The following ULK2 variants were observed in gnomAD, a reference collection of about 807,000 sequenced individuals.
ULK2 encodes the protein unc-51 like autophagy activating kinase 2.
A neutral mutation model predicts 127.5 loss-of-function variants in ULK2; 76 were observed. The observed-to-expected ratio is 0.60, with a 90% CI of 0.50 to 0.72. The LOEUF is 0.72. ULK2 is among the 30% of genes least tolerant of loss of function. The probability of loss-of-function intolerance (pLI) is 0.00; values close to 1 mark genes in which losing one functional copy is unlikely to be tolerated. For synonymous variants in ULK2, 452 were observed against 461.9 expected (o/e 0.98, Z 0.28); for missense variants, 1,144 against 1,295.9 (o/e 0.88, Z 1.80).
At chr17:19,809,021 A>G (rs893204734) in intron 14 of ULK2, among the ~76,000 whole-genome samples, 32 of 152,256 alleles carry the variant, frequency 2.1e-4, no homozygotes, top group African/African-American at 7.5e-4. Context: ...AAGCAACCCC[A>G]AATGTTCACC....
At chr17:19,797,343 T>C in intron 18 of ULK2, 53 bp downstream of exon 18, 1 of 1,496,266 alleles carries the variant, frequency 6.7e-7, no homozygotes, top group Non-Finnish European at 8.9e-7. Context: ...ATGAATCCTT[T>C]CCATAAAGTA....
chr17:19,848,434 GT>G (rs2041941847), intron 5 of ULK2: 1 of 152,162 alleles, frequency 6.6e-6, no homozygotes, highest in South Asian at 2.1e-4. Flanking sequence ...GACCTGTCAA[GT>G]TTTACATGTC....
intron 10 of ULK2, 127 bp from the exon 11 acceptor site, chr17:19,826,313 C>T (rs1217159782): frequency 6.8e-6 from 3 of 438,254 alleles, no homozygotes; most frequent in African/African-American, 4.1e-5. Flanking sequence ...ATATAGGCTC[C>T]ATTTCCTTTA....
chr17:19,829,609 G>C (rs2041386630), intron 10 of ULK2, among the ~76,000 whole-genome samples: 1 of 149,100 alleles, frequency 6.7e-6, no homozygotes, highest in South Asian at 2.1e-4. Flanking sequence ...AGGCTGAGGA[G>C]GGTGGATCAC....
intron 3 of ULK2, among the ~76,000 whole-genome samples, chr17:19,862,421 G>C (rs1279734979): frequency 6.6e-6 from 1 of 151,836 alleles, no homozygotes; most frequent in Non-Finnish European, 1.5e-5. Flanking sequence ...CTTATAACAT[G>C]AGTTTAGTTA....
At chr17:19,781,143 A>G (rs2086910713) in intron 23 of ULK2, 39 bp from the exon 24 acceptor site, 1 of 1,589,672 alleles carries the variant, frequency 6.3e-7, no homozygotes, top group Non-Finnish European at 8.6e-7. Context: ...TATCTTGTGA[A>G]CTAATGTAAG....
intron 14 of ULK2, among the ~76,000 whole-genome samples, chr17:19,808,587 C>T (rs1243721260): frequency 6.6e-6 from 1 of 152,114 alleles, no homozygotes; most frequent in African/African-American, 2.4e-5. Flanking sequence ...AACAAAAACC[C>T]AAATAACTCA....
chr17:19,832,429 G>A (rs897388482), intron 10 of ULK2, among the ~76,000 whole-genome samples: 1 of 151,986 alleles, frequency 6.6e-6, no homozygotes, highest in African/African-American at 2.4e-5. Context: ...CACAACACCA[G>A]CTAATTTTTG....
intron 10 of ULK2, among the ~76,000 whole-genome samples, chr17:19,837,275 C>A (rs921333702): frequency 6.6e-6 from 1 of 151,864 alleles, no homozygotes; most frequent in African/African-American, 2.4e-5. Context: ...CAAAAACTAG[C>A]CAGAGGTGGT....
At chr17:19,864,999 G>C (rs2042323414) in intron 2 of ULK2, among the ~76,000 whole-genome samples, 155 bp from the exon 3 acceptor site, 7 of 152,024 alleles carry the variant, frequency 4.6e-5, no homozygotes, top group Admixed American at 4.6e-4. Flanking sequence ...AAATGTGCCT[G>C]ATCAAACAAA....
chr17:19,866,417 A>T (rs576322498), intron 1 of ULK2, among the ~76,000 whole-genome samples: 2 of 152,154 alleles, frequency 1.3e-5, no homozygotes, highest in African/African-American at 4.8e-5. Context: ...CTGAGGCAGG[A>T]GAATCGCTTG....
chr17:19,814,415 T>C (rs144918255), intron 13 of ULK2, among the ~76,000 whole-genome samples: 434 of 32,094 alleles, frequency 0.014, 9 homozygotes, highest in African/African-American at 0.06. Flanking sequence ...TATATACATA[T>C]ATATATATAT....
chr17:19,797,787 T>A, intron 17 of ULK2, 105 bp from the exon 18 acceptor site: 1 of 1,090,150 alleles, frequency 9.2e-7, no homozygotes, highest in Non-Finnish European at 1.2e-6. Context: ...GATAAATATC[T>A]TATTTTTCAT....
At chr17:19,788,638 T>C (rs1482714540) in intron 20 of ULK2, among the ~76,000 whole-genome samples, 1 of 151,658 alleles carries the variant, frequency 6.6e-6, no homozygotes. Context: ...TTGATTACAG[T>C]GGGATAGAGC....
Position 19,775,549 on chromosome 17 carries a change from T to A in ULK2, c.*800A>T, listed in dbSNP as rs2086798110. The A allele has an allele frequency of 7.1e-6, 1 of 141,676 alleles. No homozygotes were observed. The highest frequency in any genetic ancestry group is 2.7e-5 in the African/African-American group (1 of 37,074). The allele number at this position is 141,676 out of a possible 1,614,324, so 8.8% of individuals were successfully genotyped here. On this transcript the variant is annotated 3_prime_UTR_variant, in exon 27 of 27. Transcript: ENST00000395544. Reference sequence around the variant, plus strand: ...GCTAACAAAAACATTACTGAGAAAATCTGTAGGTGTAGATAAAGAAGTAAA... The same window carrying A: ...GCTAACAAAAACATTACTGAGAAAAACTGTAGGTGTAGATAAAGAAGTAAA...
chr17:19,777,779 G>A (rs1353553103), intron 25 of ULK2, 63 bp from the exon 26 acceptor site: 2 of 1,544,672 alleles, frequency 1.3e-6, no homozygotes, highest in Non-Finnish European at 1.7e-6. Context: ...AATCCATTTG[G>A]GCAATGAAGC....
At chr17:19,797,805 T>C in intron 17 of ULK2, 123 bp from the exon 18 acceptor site, 1 of 977,852 alleles carries the variant, frequency 1.0e-6, no homozygotes. Flanking sequence ...CATAAGACAT[T>C]CTAAAAGTGA....
intron 10 of ULK2, among the ~76,000 whole-genome samples, chr17:19,833,127 G>GAAAAAAAAAAAAAA (rs71157837): frequency 8.7e-6 from 1 of 115,480 alleles, no homozygotes; most frequent in African/African-American, 3.5e-5. Flanking sequence ...TGTCTCAAAG[G>GAAAAAAAAAAAAAA]AAAAAAAAAA....
At chr17:19,804,926 A>G in intron 14 of ULK2, 96 bp from the exon 15 acceptor site, 1 of 1,418,268 alleles carries the variant, frequency 7.1e-7, no homozygotes, top group Non-Finnish European at 9.4e-7. Context: ...AATTCCAGAA[A>G]GAGCCAAATG....
Sources: allele counts gnomAD v4.1 joint callset (sites outside exome capture counted in the v4.1 genomes callset), GRCh38; gene constraint gnomAD v4.1.1; transcripts MANE v1.5; gene names NCBI Gene and HGNC (gene_info 2026-07-23, HGNC 2026-07-21).